SNCAIP: variants seen among roughly 807,000 people sequenced by gnomAD.
SNCAIP encodes the protein synphilin-1.
SNCAIP carries 43 observed loss-of-function variants against 86.7 expected under a neutral mutation model. The ratio of observed to expected loss-of-function variants is 0.50; its 90% CI spans 0.39 to 0.64. SNCAIP has a LOEUF of 0.64. Ranked by LOEUF, SNCAIP falls within the 30% of genes least tolerant of loss-of-function variation. The probability of loss-of-function intolerance (pLI) is 0.00; values close to 1 mark genes in which losing one functional copy is unlikely to be tolerated. For missense variants in SNCAIP, 981 were observed against 1,103.1 expected (o/e 0.89, Z 1.57); for synonymous variants, 417 against 427.2 (o/e 0.98, Z 0.29).
intron 1 of SNCAIP, among the ~76,000 whole-genome samples, chr5:122,330,924 G>A (rs528507827): frequency 6.6e-6 from 1 of 151,952 alleles, no homozygotes; most frequent in Middle Eastern, 3.4e-3. Flanking sequence ...GGTGATGGTT[G>A]TGGAGGGGTT....
intron 3 of SNCAIP, among the ~76,000 whole-genome samples, chr5:122,419,564 T>C (rs1389475676): frequency 6.6e-6 from 1 of 152,196 alleles, no homozygotes; most frequent in Non-Finnish European, 1.5e-5. Context: ...TCATTATGAA[T>C]CTACTTATGT....
chr5:122,409,099 G>A (rs1581064257), intron 3 of SNCAIP, among the ~76,000 whole-genome samples: 2 of 151,652 alleles, frequency 1.3e-5, no homozygotes, highest in South Asian at 2.1e-4. Context: ...AAAAAAAAAT[G>A]CACCTAAAAA....
intron 3 of SNCAIP, among the ~76,000 whole-genome samples, chr5:122,417,680 C>CTCCTTTCT (rs1421255327): frequency 6.6e-6 from 1 of 151,710 alleles, no homozygotes; most frequent in East Asian, 1.9e-4. Context: ...CCTTCCTTCC[C>CTCCTTTCT]TCCTTTCTTC....
At position 122,421,238 on chromosome 5, in the gene SNCAIP, G is replaced by A. The variant is rs540002484; in HGVS notation, c.131-1630G>A. Reference sequence around the variant, plus strand: ...TCTTCTTAGATTCTAAAATGTCAGAGCCAGAAAGGTCTGAGAAGTGGACTG... The same window carrying A: ...TCTTCTTAGATTCTAAAATGTCAGAACCAGAAAGGTCTGAGAAGTGGACTG... On this transcript the variant is annotated intron_variant, in intron 3 of 10. Transcript: ENST00000261368. Among the ~76,000 whole-genome samples, 12 of 152,320 alleles carry A rather than the reference G, an allele frequency of 7.9e-5. No homozygotes were observed. The South Asian group carries it at 2.5e-3, about 32-fold the overall frequency.
At chr5:122,357,693 T>A (rs947730442) in intron 1 of SNCAIP, among the ~76,000 whole-genome samples, 6 of 152,030 alleles carry the variant, frequency 3.9e-5, no homozygotes, top group Admixed American at 3.3e-4. Flanking sequence ...GTTCATGGTC[T>A]GATTAATCCA....
chr5:122,355,493 C>A (rs1489319264), intron 1 of SNCAIP, among the ~76,000 whole-genome samples: 8 of 152,200 alleles, frequency 5.3e-5, no homozygotes, highest in Admixed American at 5.2e-4. Context: ...GTCAGAAGGA[C>A]CTTAGAAACC....
chr5:122,409,136 C>T (rs148720388), intron 3 of SNCAIP, among the ~76,000 whole-genome samples: 26 of 152,132 alleles, frequency 1.7e-4, no homozygotes, highest in Non-Finnish European at 2.2e-4. Context: ...AACTTTTGCA[C>T]GCATTCTCTG....
At chr5:122,353,041 GC>G (rs1185549278) in intron 1 of SNCAIP, among the ~76,000 whole-genome samples, 1 of 152,098 alleles carries the variant, frequency 6.6e-6, no homozygotes, top group East Asian at 1.9e-4. Context: ...TTGTGGTTCT[GC>G]CTAGTACCTG....
chr5:122,321,189 T>C (rs1056479118), intron 1 of SNCAIP: 1 of 152,224 alleles, frequency 6.6e-6, no homozygotes, highest in African/African-American at 2.4e-5. Context: ...ATTTTAATAA[T>C]ATATCTTACC....
At chr5:122,451,683 C>T in intron 10 of SNCAIP, 82 bp downstream of exon 10, 1 of 1,091,844 alleles carries the variant, frequency 9.2e-7, no homozygotes, top group South Asian at 1.3e-5. Context: ...TGGGCCCACA[C>T]TACCTTGAGG....
intron 1 of SNCAIP, among the ~76,000 whole-genome samples, chr5:122,341,742 G>T (rs963517008): frequency 6.6e-6 from 1 of 152,134 alleles, no homozygotes; most frequent in Non-Finnish European, 1.5e-5. Context: ...AGGAAACGCC[G>T]TTGTTTTGAG....
At chr5:122,422,595 T>A (rs1776605076) in intron 3 of SNCAIP, among the ~76,000 whole-genome samples, 1 of 152,186 alleles carries the variant, frequency 6.6e-6, no homozygotes, top group Non-Finnish European at 1.5e-5. Flanking sequence ...TAAACCTAAA[T>A]ACCTATCTGG....
chr5:122,357,617 C>CTTTTTTTTTTT, intron 1 of SNCAIP, among the ~76,000 whole-genome samples: 1 of 140,188 alleles, frequency 7.1e-6, no homozygotes, highest in Non-Finnish European at 1.6e-5. Context: ...GACAAGCCTT[C>CTTTTTTTTTTT]TTTTTTTTTT....
intron 1 of SNCAIP, chr5:122,369,796 T>C (rs1362126221): frequency 6.6e-6 from 1 of 152,240 alleles, no homozygotes; most frequent in Non-Finnish European, 1.5e-5. Flanking sequence ...AAATGGGCTT[T>C]CTGCTGTAAG....
chr5:122,368,972 C>A lies in SNCAIP; in HGVS notation c.-46-22117C>A, dbSNP rs952188066. 2.0e-5 allele frequency among the ~76,000 whole-genome samples: 3 copies of A among 152,172 alleles called. No homozygotes were observed. The East Asian group carries it at 5.8e-4, about 29-fold the overall frequency. On this transcript the variant is annotated intron_variant, in intron 1 of 10. Transcript: ENST00000261368. ...ATAAAAATGCACATATCAGTTTGCT[C>A]CCGGCCAGCGAACTAATCAGTTCCA...
Position 122,463,810 on chromosome 5 carries a change from T to C in SNCAIP, c.*314T>C, listed in dbSNP as rs11326. 0.12 allele frequency: 40,082 copies of C among 341,502 alleles called. 2,652 individuals are homozygous for C. Among genetic ancestry groups the C allele is most frequent in the Non-Finnish European group, 0.14 (25,614 of 188,668 alleles). 21.2% of individuals were successfully genotyped at this position (341,502 alleles called of 1,614,324 possible). ...TTAAAAGCATGATTGGGAAAATGTA[T>C]GTTTTTTAAGAGTAGATTGATTCAC... On this transcript the variant is annotated 3_prime_UTR_variant, in exon 11 of 11. Transcript: ENST00000261368.
intron 1 of SNCAIP, among the ~76,000 whole-genome samples, chr5:122,369,217 A>G (rs1580743139): frequency 6.6e-6 from 1 of 152,304 alleles, no homozygotes; most frequent in East Asian, 1.9e-4. Flanking sequence ...CCCTTCTCTC[A>G]GCCTGTGAAG....
intron 10 of SNCAIP, among the ~76,000 whole-genome samples, chr5:122,461,170 T>A (rs1462243269): frequency 6.6e-6 from 1 of 152,246 alleles, no homozygotes. Context: ...TTTCAGAATC[T>A]TGAACACATC....
chr5:122,443,002 G>A (rs1321288851), intron 7 of SNCAIP, among the ~76,000 whole-genome samples: 1 of 152,164 alleles, frequency 6.6e-6, no homozygotes, highest in Admixed American at 6.5e-5. Flanking sequence ...GAAAACTGCA[G>A]AGGTCAGGGC....
Sources: allele counts gnomAD v4.1 joint callset (sites outside exome capture counted in the v4.1 genomes callset), GRCh38; gene constraint gnomAD v4.1.1; transcripts MANE v1.5; gene names NCBI Gene and HGNC (gene_info 2026-07-23, HGNC 2026-07-21).